The following NRP2 variants were observed in gnomAD, a reference collection of about 807,000 sequenced individuals.
The protein encoded by NRP2 is neuropilin-2.
In NRP2, 52 loss-of-function variants were observed where a neutral mutation model predicts 110.4. The ratio of observed to expected loss-of-function variants is 0.47; its 90% confidence interval spans 0.38 to 0.59. The LOEUF (loss-of-function observed/expected upper bound fraction) is 0.59, where lower values mean the gene tolerates loss of function less well. Among genes scored for constraint, NRP2 ranks in the 20% least tolerant of loss-of-function variants. NRP2 has a pLI of 0.00. For synonymous variants in NRP2, 508 were observed against 468.9 expected (o/e 1.08, Z -1.08); for missense variants, 1,049 against 1,203.0 (o/e 0.87, Z 1.89).
intron 15 of NRP2, among the ~76,000 whole-genome samples, chr2:205,774,351 C>G (rs1035651882): frequency 6.6e-6 from 1 of 152,092 alleles, no homozygotes; most frequent in African/African-American, 2.4e-5. Flanking sequence ...TAGTAAAAGA[C>G]AGAATTAGTT....
intron 13 of NRP2, among the ~76,000 whole-genome samples, chr2:205,764,831 T>C (rs1193665966): frequency 6.6e-6 from 1 of 152,220 alleles, no homozygotes; most frequent in East Asian, 1.9e-4. Flanking sequence ...TGTTGTATTG[T>C]AACTACCTGT....
chr2:205,733,231 C>T (rs376930962), intron 7 of NRP2, among the ~76,000 whole-genome samples: 31 of 152,326 alleles, frequency 2.0e-4, no homozygotes, highest in African/African-American at 5.8e-4. Flanking sequence ...CAGGCTCCCG[C>T]GGCCAGCGTC....
intron 9 of NRP2, 136 bp downstream of exon 9, chr2:205,743,688 T>C (rs1474165096): frequency 6.9e-7 from 1 of 1,458,732 alleles, no homozygotes; most frequent in Non-Finnish European, 9.1e-7. Context: ...CAAATATCGT[T>C]TGAGAGATTA....
At position 205,740,628 on chromosome 2, in the gene NRP2, C is replaced by T; in HGVS notation, c.1256C>T (p.Ala419Val). The T allele has an allele frequency of 6.2e-7, 1 of 1,614,234 alleles. No individual in the cohort carries two copies. Among genetic ancestry groups the T allele is most frequent in the Non-Finnish European group, 8.5e-7 (1 of 1,180,042 alleles). Residue 419 changes from alanine to valine, a missense_variant, in exon 8 of 17, where the codon GCC (alanine) becomes GTC (valine). Coordinates refer to ENST00000357785, the MANE Select transcript of NRP2 (RefSeq NM_003872.3). ...IRPQTWHSGI[A>V]LRLELFGCRV... ...CCTCAGACCTGGCACTCAGGTATCG[C>T]CCTCCGGCTGGAGCTCTTCGGCTGC... is the stretch of plus-strand genomic sequence containing the variant.
At chr2:205,769,492 G>GTA (rs1292395221) in intron 15 of NRP2, among the ~76,000 whole-genome samples, 1 of 113,632 alleles carries the variant, frequency 8.8e-6, no homozygotes, top group Non-Finnish European at 1.8e-5. Context: ...CTGTGTGTGT[G>GTA]TATATACATA....
chr2:205,767,615 A>G, intron 15 of NRP2: 1 of 304,996 alleles, frequency 3.3e-6, no homozygotes. Context: ...GGGTGATGGC[A>G]ATGTTGTTTG....
chr2:205,709,187 C>T (rs923987001), intron 2 of NRP2, among the ~76,000 whole-genome samples: 4 of 152,322 alleles, frequency 2.6e-5, no homozygotes, highest in Non-Finnish European at 4.4e-5. Context: ...GTGTCTGAAA[C>T]ACTGTTGATG....
rs1283993220 is a variant in NRP2 at position 205,725,919 on chromosome 2, A to T, written c.827A>T (p.Gln276Leu). 1 of 1,614,040 alleles carries T rather than the reference A, an allele frequency of 6.2e-7. No homozygotes were observed. The highest frequency in any genetic ancestry group is 8.5e-7 in the Non-Finnish European group (1 of 1,180,034). The change falls in exon 6 of 17, where the codon CAG (glutamine) becomes CTG (leucine). Residue 276 changes from glutamine to leucine, a missense_variant. Gln to Leu is a moderately radical substitution (Grantham distance 113). Transcript: ENST00000357785. This position sits in a 1 kb window ranked among gnomAD's most constrained non-coding sequence, Gnocchi z 4.1. ...LVHQEPLENF[Q>L]CNVPLGMESG... Reference sequence around the variant, plus strand: ...GACCGTCTGCTTTCCCCAGACTTTCAGTGCAATGTTCCTCTGGGCATGGAG... The same window carrying T: ...GACCGTCTGCTTTCCCCAGACTTTCTGTGCAATGTTCCTCTGGGCATGGAG...
intron 15 of NRP2, chr2:205,779,840 G>A (rs1304352533): frequency 6.6e-6 from 1 of 152,130 alleles, no homozygotes; most frequent in Admixed American, 6.5e-5. Context: ...GGAGGTAGGT[G>A]GGTTTTCTCC....
intron 2 of NRP2, among the ~76,000 whole-genome samples, chr2:205,714,733 C>A (rs2056860984): frequency 6.6e-6 from 1 of 152,158 alleles, no homozygotes; most frequent in Non-Finnish European, 1.5e-5. Context: ...TTCAGCGGTT[C>A]TTTTTGGACT....
intron 2 of NRP2, chr2:205,698,030 T>A (rs148890107): frequency 2.9e-4 from 121 of 415,386 alleles, no homozygotes; most frequent in African/African-American, 2.4e-3. Context: ...AACTCTACTC[T>A]TGACTTTGGG....
intron 15 of NRP2, among the ~76,000 whole-genome samples, chr2:205,790,040 A>G (rs776658584): frequency 6.6e-6 from 1 of 152,082 alleles, no homozygotes; most frequent in Non-Finnish European, 1.5e-5. Context: ...ATGTTGATTA[A>G]CTTATCCTTT....
chr2:205,705,486 C>G (rs1320905326), intron 2 of NRP2, among the ~76,000 whole-genome samples: 1 of 152,176 alleles, frequency 6.6e-6, no homozygotes, highest in Non-Finnish European at 1.5e-5. Flanking sequence ...TGCCTCTTTT[C>G]GAGCTTTGTA....
intron 2 of NRP2, among the ~76,000 whole-genome samples, chr2:205,713,837 TGC>T (rs1443197718): frequency 2.0e-5 from 3 of 152,218 alleles, no homozygotes; most frequent in Non-Finnish European, 4.4e-5. Flanking sequence ...AAGATGCATA[TGC>T]ATCTTTGCAC....
chr2:205,720,427 A>G (rs2056987728), intron 3 of NRP2, among the ~76,000 whole-genome samples: 1 of 152,104 alleles, frequency 6.6e-6, no homozygotes, highest in Admixed American at 6.5e-5. Context: ...CTTGTGCCCT[A>G]CCAATGACAG....
At chr2:205,772,215 G>A (rs572742608) in intron 15 of NRP2, among the ~76,000 whole-genome samples, 2 of 152,232 alleles carry the variant, frequency 1.3e-5, no homozygotes, top group Non-Finnish European at 2.9e-5. Context: ...TGTGAAGCCC[G>A]TAGACCAATG....
At chr2:205,690,002 G>C (rs1486877116) in intron 1 of NRP2, among the ~76,000 whole-genome samples, 1 of 152,224 alleles carries the variant, frequency 6.6e-6, no homozygotes, top group African/African-American at 2.4e-5. Flanking sequence ...CAAAAGAGAA[G>C]CTCTCGGTAG....
chr2:205,706,780 G>A (rs1331421205), intron 2 of NRP2, among the ~76,000 whole-genome samples: 1 of 152,110 alleles, frequency 6.6e-6, no homozygotes, highest in Admixed American at 6.5e-5. Flanking sequence ...CTTCTTGGGG[G>A]CCTTTTCTGC....
chr2:205,727,259 C>T (rs1176366424), intron 6 of NRP2, among the ~76,000 whole-genome samples: 1 of 152,192 alleles, frequency 6.6e-6, no homozygotes, highest in East Asian at 1.9e-4. Context: ...TGACATCCAG[C>T]AATTTCCAAA....
Sources: gnomAD v4.1 joint callset for allele counts (sites outside exome capture counted in the v4.1 genomes callset) on GRCh38, gnomAD v4.1.1 for gene constraint, Gnocchi (gnomAD v3.1) non-coding constraint, MANE v1.5 for transcripts, NCBI Gene and HGNC (gene_info 2026-07-23, HGNC 2026-07-21) for gene names.